CRY1: variants seen among roughly 807,000 people sequenced by gnomAD.
The protein encoded by CRY1 is cryptochrome-1.
In CRY1, 45 loss-of-function variants were observed where a neutral mutation model predicts 76.0. That is an observed-to-expected ratio of 0.59 (90% CI 0.47 to 0.76). The LOEUF (loss-of-function observed/expected upper bound fraction) is 0.76. Ranked by LOEUF, CRY1 falls within the 30% of genes least tolerant of loss-of-function variation. The pLI, the probability that CRY1 is intolerant of heterozygous loss-of-function variation, is 0.00. For synonymous variants in CRY1, 248 were observed against 244.0 expected, an observed-to-expected ratio of 1.02 and a Z score of -0.15; for missense variants, 587 against 716.4, an observed-to-expected ratio of 0.82 and a Z score of 2.06.
chr12:107,026,176 A>ATATATATATAAAATATATATATATATAT (rs1952613556), intron 1 of CRY1, among the ~76,000 whole-genome samples: 1 of 22,474 alleles, frequency 4.4e-5, no homozygotes, highest in African/African-American at 2.7e-4. Flanking sequence ...TATATATATT[A>ATATATATATAAAATATATATATATATAT]CATATATATA....
At chr12:106,997,843 G>A (rs1952250865) in intron 8 of CRY1, 72 bp downstream of exon 8, 2 of 1,562,398 alleles carry the variant, frequency 1.3e-6, no homozygotes, top group African/African-American at 2.7e-5. Context: ...AATACTTTAA[G>A]CATTGATTAA....
chr12:107,005,140 C>G lies in CRY1; in HGVS notation c.376G>C (p.Val126Leu). Residue 126 changes from valine (V) to leucine (L), a missense_variant, in exon 3 of 13, where the codon GTA becomes CTA. Val to Leu is a conservative substitution (Grantham distance 32, BLOSUM62 1). Coordinates refer to ENST00000008527, the MANE Select transcript of CRY1 (RefSeq NM_004075.5). ...TCATATAATGTATGTGAAATTCTTA[C>G]AATGACTTCTACTCCAGCTTCAGTT... ...LATEAGVEVI[V>L]RISHTLYDLD... The G allele has an allele frequency of 6.2e-7, 1 of 1,612,516 alleles. No individual in the cohort carries two copies.
rs1253731485 is a variant in CRY1, at chr12:106,991,640, TA to T, written c.*361del. ...AATTTTAACGTCTTTTAAGAAAGTC[TA>T]AAAACCTCCTTTTTTCCCACTGACT... On this transcript the variant is annotated 3_prime_UTR_variant, in exon 13 of 13. Coordinates refer to ENST00000008527, the MANE Select transcript of CRY1 (RefSeq NM_004075.5). 2 of 152,730 alleles carry T rather than the reference TA, an allele frequency of 1.3e-5. No homozygotes were observed. The highest frequency in any genetic ancestry group is 4.8e-5 in the African/African-American group (2 of 41,582). The allele number at this position is 152,730 out of a possible 1,614,324, so 9.5% of individuals were successfully genotyped here.
At chr12:107,068,050 A>G (rs1275892434) in intron 1 of CRY1, among the ~76,000 whole-genome samples, 2 of 152,214 alleles carry the variant, frequency 1.3e-5, no homozygotes, top group Non-Finnish European at 2.9e-5. Flanking sequence ...GCAAGGGGCC[A>G]GCCAACTATG....
intron 1 of CRY1, among the ~76,000 whole-genome samples, chr12:107,060,567 A>C (rs1023703279): frequency 5.9e-5 from 9 of 152,236 alleles, no homozygotes; most frequent in Admixed American, 4.6e-4. Flanking sequence ...TCCATTTAAA[A>C]ATAAAGAAAC....
intron 1 of CRY1, among the ~76,000 whole-genome samples, chr12:107,071,146 T>C (rs1477550138): frequency 2.0e-5 from 3 of 152,202 alleles, no homozygotes; most frequent in Non-Finnish European, 4.4e-5. Flanking sequence ...TTAGTACCTC[T>C]GGCACAATAA....
intron 1 of CRY1, among the ~76,000 whole-genome samples, chr12:107,079,099 A>AG (rs141397621): frequency 0.027 from 4,065 of 152,280 alleles, 67 homozygotes; most frequent in African/African-American, 0.052. Flanking sequence ...CTTATATAAT[A>AG]GGCAACAATG....
At position 107,093,016 on chromosome 12, in the gene CRY1, T is replaced by C. The variant is rs2136907224; in HGVS notation, c.-55A>G. On this transcript the variant is annotated 5_prime_UTR_variant, in exon 1 of 13. Coordinates refer to ENST00000008527, the MANE Select transcript of CRY1 (RefSeq NM_004075.5). Reference sequence around the variant, plus strand: ...GAAATTCAAGGAAGGAGGCTCCGGCTCATAGCCGACACCTTCGCTTCCAAG... The same window carrying C: ...GAAATTCAAGGAAGGAGGCTCCGGCCCATAGCCGACACCTTCGCTTCCAAG... 1 of 1,459,470 alleles carries C rather than the reference T, an allele frequency of 6.9e-7. No homozygotes were observed. Among genetic ancestry groups the C allele is most frequent in the Admixed American group, 2.7e-5 (1 of 37,434 alleles). 90.4% of individuals were successfully genotyped at this position (1,459,470 alleles called of 1,614,324 possible). A position where few individuals can be genotyped will look rare whatever the true frequency, so the allele number is the denominator to read the frequency against.
intron 1 of CRY1, among the ~76,000 whole-genome samples, chr12:107,035,053 C>A (rs937537203): frequency 1.3e-5 from 2 of 152,138 alleles, no homozygotes; most frequent in Admixed American, 1.3e-4. Flanking sequence ...GATCTACATA[C>A]AACTAAAATA....
At chr12:107,084,113 C>T (rs1397320865) in intron 1 of CRY1, among the ~76,000 whole-genome samples, 2 of 152,080 alleles carry the variant, frequency 1.3e-5, no homozygotes, top group Non-Finnish European at 2.9e-5. Flanking sequence ...CCTAGGAATC[C>T]AACTTACAAG....
intron 1 of CRY1, among the ~76,000 whole-genome samples, chr12:107,026,157 A>ATATATATATATTAT (rs1160937379): frequency 1.3e-5 from 1 of 75,706 alleles, no homozygotes; most frequent in Non-Finnish European, 2.4e-5. Flanking sequence ...TATATATATA[A>ATATATATATATTAT]AATATATATA....
chr12:107,077,822 A>C (rs1593542036), intron 1 of CRY1, among the ~76,000 whole-genome samples: 1 of 148,704 alleles, frequency 6.7e-6, no homozygotes. Flanking sequence ...CATTTCCCCC[A>C]CTCCCCTCCC....
chr12:107,014,243 C>G (rs768634137), intron 2 of CRY1, among the ~76,000 whole-genome samples: 3 of 152,148 alleles, frequency 2.0e-5, no homozygotes, highest in Non-Finnish European at 2.9e-5. Context: ...ACCAGGTTAT[C>G]TGTAGAAGCT....
In CRY1 at chr12:106,998,047, A is replaced by C. The variant is rs1399353662; in HGVS notation, c.1157T>G (p.Leu386Arg). ...EGMKVFEELL[L>R]DADWSINAGS... is the part of the protein sequence containing the mutation. ...AGCATTTATGCTCCAATCTGCATCA[A>C]GCAATAATTCTTCAAATACCTTCAG... Residue 386 changes from leucine to arginine, a missense_variant, in exon 8 of 13, where the codon CTT becomes CGT. By Grantham distance (102) the Leu-to-Arg change is moderately radical. Transcript: ENST00000008527. The C allele has an allele frequency of 6.2e-7, 1 of 1,614,084 alleles. No homozygotes were observed. Among genetic ancestry groups the C allele is most frequent in the Non-Finnish European group, 8.5e-7 (1 of 1,179,982 alleles).
intron 1 of CRY1, among the ~76,000 whole-genome samples, chr12:107,041,301 G>C (rs1445640305): frequency 6.6e-6 from 1 of 151,976 alleles, no homozygotes; most frequent in African/African-American, 2.4e-5. Flanking sequence ...TTGTATCATT[G>C]ATGTCCCCAA....
chr12:107,015,439 A>C (rs1020726248), intron 2 of CRY1, among the ~76,000 whole-genome samples: 3 of 151,544 alleles, frequency 2.0e-5, no homozygotes, highest in Non-Finnish European at 2.9e-5. Flanking sequence ...TCCTGGGTTC[A>C]AGTGATCATC....
rs371484489 is a variant in CRY1 at position 107,069,667 on chromosome 12, GTA to G, written c.158+23135_158+23136del. Among the ~76,000 whole-genome samples the G allele has an allele frequency of 1.3e-3, 175 of 133,370 alleles. 1 individual carries two copies. In the East Asian group the frequency reaches 0.016, roughly 12 times the overall value. The allele number at this position is 133,370 out of a possible 152,430, so 87.5% of individuals were successfully genotyped here. A position where few individuals can be genotyped will look rare whatever the true frequency, so the allele number is the denominator to read the frequency against. On this transcript the variant is annotated intron_variant, in intron 1 of 12. Coordinates refer to ENST00000008527, the MANE Select transcript of CRY1 (RefSeq NM_004075.5). ...AAAAAGTATATAAAGTATATATAAA[GTA>G]TATATATATAAAGTATATATATAAA... is the stretch of plus-strand genomic sequence containing the variant.
chr12:107,001,971 GTAGT>G, intron 3 of CRY1, 23 bp from the exon 4 acceptor site: 2 of 1,543,942 alleles, frequency 1.3e-6, no homozygotes, highest in Non-Finnish European at 1.7e-6. Flanking sequence ...TTAGTAAAAT[GTAGT>G]TAGTATTAAA....
intron 1 of CRY1, among the ~76,000 whole-genome samples, chr12:107,082,985 A>G (rs1024302520): frequency 6.6e-6 from 1 of 152,176 alleles, no homozygotes; most frequent in Admixed American, 6.5e-5. Context: ...AATCAGATAG[A>G]CACAATAAAA....
Sources: allele counts gnomAD v4.1 joint callset (sites outside exome capture counted in the v4.1 genomes callset), GRCh38; gene constraint gnomAD v4.1.1; transcripts MANE v1.5; gene names NCBI Gene and HGNC (gene_info 2026-07-23, HGNC 2026-07-21).